SUMF1: variants seen among roughly 807,000 people sequenced by gnomAD.
SUMF1 encodes the protein formylglycine-generating enzyme.
A neutral mutation model predicts 47.6 loss-of-function variants in SUMF1; 48 were observed. The ratio of observed to expected loss-of-function variants is 1.01; its 90% CI spans 0.80 to 1.28. The LOEUF (loss-of-function observed/expected upper bound fraction) is 1.28. Ranked by LOEUF, SUMF1 falls within the 50% of genes most tolerant of loss-of-function variation. The pLI is 0.00. For synonymous variants in SUMF1, 230 were observed against 192.1 expected, an observed-to-expected ratio of 1.20 and a Z score of -1.63; for missense variants, 571 against 485.4, an observed-to-expected ratio of 1.18 and a Z score of -1.66.
chr3:4,142,414 A>C (rs1694092258), intron 8 of SUMF1, among the ~76,000 whole-genome samples: 1 of 152,140 alleles, frequency 6.6e-6, no homozygotes, highest in South Asian at 2.1e-4. Flanking sequence ...AGTCTTACTG[A>C]GAGTAGGAAT....
At chr3:4,327,592 A>G (rs1698970938) in intron 8 of SUMF1, among the ~76,000 whole-genome samples, 1 of 151,714 alleles carries the variant, frequency 6.6e-6, no homozygotes, top group Non-Finnish European at 1.5e-5. Flanking sequence ...TAACATTAAG[A>G]CAGCAGAATT....
intron 8 of SUMF1, among the ~76,000 whole-genome samples, chr3:4,084,514 C>T (rs759233068): frequency 7.9e-5 from 12 of 151,998 alleles, no homozygotes; most frequent in Non-Finnish European, 1.3e-4. Flanking sequence ...ACACAGGATA[C>T]CTGAAGAAAA....
chr3:4,463,288 G>A lies in SUMF1; in HGVS notation c.270+3688C>T, dbSNP rs138283844. ...AGGTGGATCACGAAGTCAAAAGATC[G>A]AGACAATCCTGGCCAACGTGGTAAA... On this transcript the variant is annotated intron_variant, in intron 1 of 8. Transcript: ENST00000272902. 6.0e-3 allele frequency among the ~76,000 whole-genome samples: 910 copies of A among 152,286 alleles called. 10 individuals carry two copies. The highest frequency in any genetic ancestry group is 0.021 in the African/African-American group (860 of 41,560).
intron 8 of SUMF1, among the ~76,000 whole-genome samples, chr3:4,170,316 G>A (rs1316791758): frequency 6.6e-6 from 1 of 152,130 alleles, no homozygotes; most frequent in East Asian, 1.9e-4. Flanking sequence ...GAATCACCTG[G>A]AGGCCTTGTT....
chr3:4,319,038 T>C (rs957509348), intron 8 of SUMF1, among the ~76,000 whole-genome samples: 8 of 152,180 alleles, frequency 5.3e-5, no homozygotes, highest in African/African-American at 1.9e-4. Flanking sequence ...CATCAGGGAA[T>C]TGCAATTTAA....
At chr3:4,386,056 G>C (rs1283894441) in intron 7 of SUMF1, among the ~76,000 whole-genome samples, 2 of 152,082 alleles carry the variant, frequency 1.3e-5, no homozygotes, top group Non-Finnish European at 2.9e-5. Flanking sequence ...TCTTCAAATT[G>C]GGTAGATTGG....
intron 8 of SUMF1, among the ~76,000 whole-genome samples, chr3:4,089,484 G>T (rs1692739259): frequency 6.6e-6 from 1 of 152,018 alleles, no homozygotes; most frequent in South Asian, 2.1e-4. Flanking sequence ...TTGTTTTCAG[G>T]TCTTATTCTT....
chr3:4,211,516 G>C (rs190797251), intron 8 of SUMF1, among the ~76,000 whole-genome samples: 47 of 152,038 alleles, frequency 3.1e-4, no homozygotes, highest in African/African-American at 1.1e-3. Flanking sequence ...AAAGCTTCCA[G>C]AGGAAAATAT....
intron 8 of SUMF1, among the ~76,000 whole-genome samples, chr3:4,209,942 T>C (rs2587938): frequency 0.61 from 93,045 of 151,886 alleles, 28,694 homozygotes; most frequent in South Asian, 0.71. Flanking sequence ...TCACCCAGGC[T>C]GGAGTGCAGT....
intron 8 of SUMF1, among the ~76,000 whole-genome samples, chr3:4,142,065 G>T (rs994778179): frequency 3.3e-5 from 5 of 152,136 alleles, no homozygotes; most frequent in African/African-American, 1.2e-4. Context: ...AAAGACAAAA[G>T]TATCTCCAGG....
At chr3:4,249,574 G>T (rs1170487636) in intron 8 of SUMF1, among the ~76,000 whole-genome samples, 1 of 152,102 alleles carries the variant, frequency 6.6e-6, no homozygotes, top group Non-Finnish European at 1.5e-5. Context: ...TGTTCTGACT[G>T]CTCTACCAAC....
chr3:4,167,803 G>C (rs1694743119), intron 8 of SUMF1, among the ~76,000 whole-genome samples: 1 of 152,064 alleles, frequency 6.6e-6, no homozygotes, highest in South Asian at 2.1e-4. Flanking sequence ...AGAATGATGA[G>C]GTAATATATC....
At chr3:4,137,135 G>A (rs1693952467) in intron 8 of SUMF1, among the ~76,000 whole-genome samples, 1 of 152,000 alleles carries the variant, frequency 6.6e-6, no homozygotes, top group Non-Finnish European at 1.5e-5. Flanking sequence ...TATACCCAAA[G>A]GATTATAAAT....
chr3:4,183,517 A>G (rs576185056), intron 8 of SUMF1, among the ~76,000 whole-genome samples: 4 of 152,308 alleles, frequency 2.6e-5, no homozygotes, highest in African/African-American at 9.6e-5. Context: ...CGCTCATCAG[A>G]TAATAATCTT....
At chr3:4,309,136 G>C (rs562035838) in intron 8 of SUMF1, among the ~76,000 whole-genome samples, 1 of 152,206 alleles carries the variant, frequency 6.6e-6, no homozygotes, top group Non-Finnish European at 1.5e-5. Flanking sequence ...TAAGATAAAG[G>C]GTTGTGGAGA....
At chr3:4,233,274 T>C (rs763980223) in intron 8 of SUMF1, among the ~76,000 whole-genome samples, 11 of 152,124 alleles carry the variant, frequency 7.2e-5, no homozygotes, top group Non-Finnish European at 1.6e-4. Context: ...TCAATGTTAG[T>C]TGATGTGTTT....
intron 3 of SUMF1, among the ~76,000 whole-genome samples, chr3:4,446,916 G>C (rs193238369): frequency 6.6e-6 from 1 of 152,306 alleles, no homozygotes; most frequent in East Asian, 1.9e-4. Flanking sequence ...CTTTAAATTA[G>C]CAAGATTAAA....
intron 7 of SUMF1, among the ~76,000 whole-genome samples, chr3:4,384,922 G>C (rs1411960861): frequency 2.0e-5 from 3 of 149,176 alleles, no homozygotes; most frequent in Non-Finnish European, 4.4e-5. Context: ...CTCTCGCTCT[G>C]TCGCCCAGGC....
At chr3:4,427,004 C>G (rs1484571877) in intron 3 of SUMF1, among the ~76,000 whole-genome samples, 1 of 152,152 alleles carries the variant, frequency 6.6e-6, no homozygotes, top group Admixed American at 6.5e-5. Flanking sequence ...AGACATGTTT[C>G]CCACCTCTCC....
Sources: gnomAD v4.1 joint callset for allele counts (sites outside exome capture counted in the v4.1 genomes callset) on GRCh38, gnomAD v4.1.1 for gene constraint, MANE v1.5 for transcripts, NCBI Gene and HGNC (gene_info 2026-07-23, HGNC 2026-07-21) for gene names.